Variants in RBBP4 observed in about 807,000 individuals in gnomAD.
The protein encoded by RBBP4 is RB binding protein 4, chromatin remodeling factor, also known as histone-binding protein RBBP4.
A neutral mutation model predicts 57.2 loss-of-function variants in RBBP4; 3 were observed. The observed-to-expected ratio is 0.05, with a 90% CI of 0.02 to 0.14. RBBP4 has a LOEUF of 0.14. Ranked by LOEUF, RBBP4 falls within the 10% of genes least tolerant of loss-of-function variation. RBBP4 has a pLI of 1.00. For synonymous variants in RBBP4, 151 were observed against 171.5 expected, an observed-to-expected ratio of 0.88 and a Z score of 0.93; for missense variants, 107 against 520.6, an observed-to-expected ratio of 0.21 and a Z score of 7.73.
rs566308593 is a variant in RBBP4, at chr1:32,672,372, A to G, written c.967-78A>G. The G allele has an allele frequency of 1.2e-4, 141 of 1,153,682 alleles. No individual in the cohort carries two copies. In the African/African-American group the frequency reaches 2.1e-3, roughly 17 times the overall value. 71.5% of individuals were successfully genotyped at this position (1,153,682 alleles called of 1,614,324 possible). A position where few individuals can be genotyped will look rare whatever the true frequency, so the allele number is the denominator to read the frequency against. ...TCCCTTTTATTTACAAAATTTTTAAATTGTTAAATATTTTGTGAATTTTTT... is the reference window on the plus strand; with the variant it reads ...TCCCTTTTATTTACAAAATTTTTAAGTTGTTAAATATTTTGTGAATTTTTT... On this transcript the variant is annotated intron_variant, in intron 8 of 11. Transcript: ENST00000373493.
In RBBP4 at chr1:32,668,657, A is replaced by T. The variant is rs1398608121; in HGVS notation, c.485-82A>T. On this transcript the variant is annotated intron_variant, in intron 4 of 11. Transcript: ENST00000373493. ...TTTATAAATGTTAAGAGCTTTAGAC[A>T]TCTTGACCAAAATTCCATTATGCTC... 5.3e-5 allele frequency: 61 copies of T among 1,152,850 alleles called. No individual in the cohort carries two copies. The East Asian group carries it at 8.3e-4, about 16-fold the overall frequency. 71.4% of individuals were successfully genotyped at this position (1,152,850 alleles called of 1,614,324 possible). A position where few individuals can be genotyped will look rare whatever the true frequency, so the allele number is the denominator to read the frequency against.
At chr1:32,676,609 T>C (rs1410158984) in intron 11 of RBBP4, among the ~76,000 whole-genome samples, 2 of 48,448 alleles carry the variant, frequency 4.1e-5, no homozygotes, top group African/African-American at 7.3e-5. Flanking sequence ...CAAAACTCCA[T>C]CTCAAAAAAA....
At chr1:32,671,694 C>CCT (rs1648882603) in intron 8 of RBBP4, among the ~76,000 whole-genome samples, 1 of 147,600 alleles carries the variant, frequency 6.8e-6, no homozygotes, top group Non-Finnish European at 1.5e-5. Flanking sequence ...GGCCTCATCT[C>CCT]TTTTTTTTTT....
chr1:32,683,925 G>T lies in RBBP4; in HGVS notation c.*4220G>T. On this transcript the variant is annotated 3_prime_UTR_variant, in exon 12 of 12. Coordinates refer to ENST00000373493, the MANE Select transcript of RBBP4 (RefSeq NM_005610.3). ...TAGGATTACAGGCGTGAGCCACCCC[G>T]TCCGGCCTGTTTTTAAGGCATTAAT... is the stretch of plus-strand genomic sequence containing the variant. 1 of 1,387,210 alleles carries T rather than the reference G, an allele frequency of 7.2e-7. No homozygotes were observed. 85.9% of individuals were successfully genotyped at this position (1,387,210 alleles called of 1,614,324 possible).
intron 1 of RBBP4, chr1:32,651,632 G>A (rs12405159): frequency 0.062 from 48,026 of 769,782 alleles, 3,285 homozygotes; most frequent in African/African-American, 0.26. Flanking sequence ...AAGGCTCGGA[G>A]CTCGGGCCTC....
intron 3 of RBBP4, chr1:32,662,247 C>A (rs2148521505): frequency 3.0e-6 from 1 of 328,618 alleles, no homozygotes; most frequent in Non-Finnish European, 6.3e-6. Context: ...GTCGTCCAGG[C>A]TGAGTGCAGT....
rs575670000 is a variant in RBBP4 at position 32,667,158 on chromosome 1, C to T, written c.311-1067C>T. ...TTATCCAGGCCTGCCCACAGTCATC[C>T]GGAGGCCTAAACCCCTCCTTGTGGT... On this transcript the variant is annotated intron_variant, in intron 3 of 11. Transcript: ENST00000373493. Among the ~76,000 whole-genome samples the T allele has an allele frequency of 7.9e-5, 12 of 152,318 alleles. No homozygotes were observed. The East Asian group carries it at 1.3e-3, about 17-fold the overall frequency.
At chr1:32,653,488 A>G (rs1459170779) in intron 2 of RBBP4, among the ~76,000 whole-genome samples, 1 of 152,154 alleles carries the variant, frequency 6.6e-6, no homozygotes, top group Non-Finnish European at 1.5e-5. Flanking sequence ...TTTGGCAGAA[A>G]TTATACTAGT....
intron 11 of RBBP4, among the ~76,000 whole-genome samples, chr1:32,675,618 A>G (rs895691007): frequency 6.6e-6 from 1 of 151,552 alleles, no homozygotes; most frequent in East Asian, 2.0e-4. Flanking sequence ...AAATACAAAA[A>G]ATTAGCCGGG....
rs182804925 is a variant in RBBP4, at chr1:32,664,018, C to T, written c.311-4207C>T. 1.9e-3 allele frequency among the ~76,000 whole-genome samples: 282 copies of T among 151,192 alleles called. 10 individuals are homozygous for T. In the East Asian group the frequency reaches 0.033, roughly 18 times the overall value. On this transcript the variant is annotated intron_variant, in intron 3 of 11. Transcript: ENST00000373493. ...CTCGGCCCACTGCAAGCTCCGCCTCCTGGGTTCATGCCATTCTCCTGCCTC... is the reference window on the plus strand; with the variant it reads ...CTCGGCCCACTGCAAGCTCCGCCTCTTGGGTTCATGCCATTCTCCTGCCTC...
At position 32,684,690 on chromosome 1, in the gene RBBP4, GGTCTA is replaced by G. The variant is rs934647112; in HGVS notation, c.*4988_*4992del. The G allele has an allele frequency of 6.1e-5, 17 of 278,912 alleles. No individual in the cohort carries two copies. The highest frequency in any genetic ancestry group is 3.7e-4 in the African/African-American group (17 of 45,954). The allele number at this position is 278,912 out of a possible 1,614,324, so 17.3% of individuals were successfully genotyped here. Reference sequence around the variant, plus strand: ...CCTTAGTGTCATTGAGGAGGATTTTGGTCTAGTTAGTGGGCTGAGTTTCATATACC... The same window carrying G: ...CCTTAGTGTCATTGAGGAGGATTTTGGTTAGTGGGCTGAGTTTCATATACC... On this transcript the variant is annotated 3_prime_UTR_variant, in exon 12 of 12. Coordinates refer to ENST00000373493, the MANE Select transcript of RBBP4 (RefSeq NM_005610.3).
chr1:32,651,850 C>T, intron 1 of RBBP4, 64 bp from the exon 2 acceptor site: 1 of 1,538,694 alleles, frequency 6.5e-7, no homozygotes, highest in Middle Eastern at 2.3e-4. Flanking sequence ...ATGCAGGTGG[C>T]TTTGCAGAGG....
chr1:32,669,939 T>A lies in RBBP4; in HGVS notation c.966+376T>A, dbSNP rs1178944678. Among the ~76,000 whole-genome samples, 1 of 152,222 alleles carries A rather than the reference T, an allele frequency of 6.6e-6. No homozygotes were observed. The highest frequency in any genetic ancestry group is 1.5e-5 in the Non-Finnish European group (1 of 68,036). On this transcript the variant is annotated intron_variant, in intron 8 of 11. Coordinates refer to ENST00000373493, the MANE Select transcript of RBBP4 (RefSeq NM_005610.3). This position sits in a 1 kb window ranked among gnomAD's most constrained non-coding sequence, Gnocchi z 4.9. Reference sequence around the variant, plus strand: ...CTGGATGTATGAGTGGGCACACATGTGCTTTATGCCGTTGCTAAAAATAGA... The same window carrying A: ...CTGGATGTATGAGTGGGCACACATGAGCTTTATGCCGTTGCTAAAAATAGA...
chr1:32,653,644 T>TTGG (rs1356631576), intron 2 of RBBP4, among the ~76,000 whole-genome samples: 4 of 22,462 alleles, frequency 1.8e-4, no homozygotes, highest in East Asian at 1.0e-3. Context: ...CTGGTTTTTT[T>TTGG]TTTTTTTTTT....
intron 2 of RBBP4, among the ~76,000 whole-genome samples, chr1:32,654,974 C>T (rs901889323): frequency 2.0e-5 from 3 of 152,078 alleles, no homozygotes; most frequent in Non-Finnish European, 4.4e-5. Flanking sequence ...GGATTACAGG[C>T]GTGAGCTAGT....
rs563336181 is a variant in RBBP4 at position 32,651,805 on chromosome 1, A to G, written c.17-109A>G. On this transcript the variant is annotated intron_variant, in intron 1 of 11. Transcript: ENST00000373493. ...TGCCTCTGCCGTGGGGATTTAGACAAATCACCTCCATTTCATGGTTAGGCT... is the reference window on the plus strand; with the variant it reads ...TGCCTCTGCCGTGGGGATTTAGACAGATCACCTCCATTTCATGGTTAGGCT... 686 of 1,294,842 alleles carry G rather than the reference A, an allele frequency of 5.3e-4. 4 individuals are homozygous for G. The Middle Eastern group carries it at 9.6e-3, about 18-fold the overall frequency. The allele number at this position is 1,294,842 out of a possible 1,614,324, so 80.2% of individuals were successfully genotyped here. A position where few individuals can be genotyped will look rare whatever the true frequency, so the allele number is the denominator to read the frequency against.
chr1:32,666,648 C>T (rs1227879451), intron 3 of RBBP4, among the ~76,000 whole-genome samples: 1 of 152,098 alleles, frequency 6.6e-6, no homozygotes, highest in Non-Finnish European at 1.5e-5. Context: ...TGAGCCACTG[C>T]GCCTGGCTGA....
intron 8 of RBBP4, among the ~76,000 whole-genome samples, chr1:32,670,632 G>A (rs887578567): frequency 1.3e-5 from 2 of 151,968 alleles, no homozygotes; most frequent in Non-Finnish European, 2.9e-5. Context: ...GAGTGCAATG[G>A]TGCAATCTCG....
rs1000994083 is a variant in RBBP4, at chr1:32,685,710, C to T, written c.*6005C>T. ...ATACTGCTGTCCTGATTGCTCAGTCCTCACTACCTACCAGACCCGTTGGTA... is the reference window on the plus strand; with the variant it reads ...ATACTGCTGTCCTGATTGCTCAGTCTTCACTACCTACCAGACCCGTTGGTA... On this transcript the variant is annotated 3_prime_UTR_variant, in exon 12 of 12. Coordinates refer to ENST00000373493, the MANE Select transcript of RBBP4 (RefSeq NM_005610.3). The T allele has an allele frequency of 1.3e-5, 2 of 152,166 alleles. No homozygotes were observed. 9.4% of individuals were successfully genotyped at this position (152,166 alleles called of 1,614,324 possible). A position where few individuals can be genotyped will look rare whatever the true frequency, so the allele number is the denominator to read the frequency against.
Sources: allele counts gnomAD v4.1 joint callset (sites outside exome capture counted in the v4.1 genomes callset), GRCh38; gene constraint gnomAD v4.1.1; non-coding constraint Gnocchi (gnomAD v3.1); transcripts MANE v1.5; gene names NCBI Gene and HGNC (gene_info 2026-07-23, HGNC 2026-07-21).